The following BPNT2 variants were observed in gnomAD, a reference collection of about 807,000 sequenced individuals.
BPNT2 encodes Golgi-resident adenosine 3',5'-bisphosphate 3'-phosphatase.
In BPNT2, 11 loss-of-function variants were observed where a neutral mutation model predicts 29.3. The ratio of observed to expected loss-of-function variants is 0.38; its 90% CI spans 0.24 to 0.62. BPNT2 has a LOEUF of 0.62. BPNT2 is among the 20% of genes least tolerant of loss of function. The pLI is 0.62. For missense variants in BPNT2, 459 were observed against 473.4 expected, an observed-to-expected ratio of 0.97 and a Z score of 0.28; for synonymous variants, 195 against 187.7, an observed-to-expected ratio of 1.04 and a Z score of -0.32.
chr8:56,990,198 T>C (rs1336247956), intron 1 of BPNT2, among the ~76,000 whole-genome samples: 1 of 152,184 alleles, frequency 6.6e-6, no homozygotes, highest in African/African-American at 2.4e-5. Flanking sequence ...AGTACCATGC[T>C]TTACCTTCAA....
At chr8:56,964,740 A>T (rs2129203342) in intron 4 of BPNT2, among the ~76,000 whole-genome samples, 1 of 152,356 alleles carries the variant, frequency 6.6e-6, no homozygotes, top group African/African-American at 2.4e-5. Context: ...GACATATTAT[A>T]CACACAAGTT....
intron 1 of BPNT2, among the ~76,000 whole-genome samples, chr8:56,988,127 A>T (rs1021075489): frequency 1.3e-5 from 2 of 152,206 alleles, no homozygotes; most frequent in Non-Finnish European, 2.9e-5. Flanking sequence ...ATTGTCTTTC[A>T]AATATAGCTC....
chr8:56,971,953 G>A (rs1392066181), intron 3 of BPNT2, among the ~76,000 whole-genome samples: 1 of 151,800 alleles, frequency 6.6e-6, no homozygotes, highest in Non-Finnish European at 1.5e-5. Flanking sequence ...AAATTAGCCG[G>A]GCGTGGTGTC....
intron 1 of BPNT2, among the ~76,000 whole-genome samples, chr8:56,982,804 CTAAAA>C (rs1806266732): frequency 6.6e-6 from 1 of 151,970 alleles, no homozygotes; most frequent in African/African-American, 2.4e-5. Context: ...TTCATAATGG[CTAAAA>C]TCAGAAAACT....
intron 3 of BPNT2, among the ~76,000 whole-genome samples, chr8:56,977,104 A>G (rs79169239): frequency 0.03 from 4,514 of 152,276 alleles, 223 homozygotes; most frequent in African/African-American, 0.1. Context: ...CTTGGGTCCT[A>G]TCTCCAATAT....
chr8:56,977,768 T>C (rs1585562242), intron 3 of BPNT2, among the ~76,000 whole-genome samples: 2 of 143,320 alleles, frequency 1.4e-5, no homozygotes. Flanking sequence ...TAAACACTTA[T>C]AAGCCAATGA....
chr8:56,985,543 T>C (rs995420707), intron 1 of BPNT2, among the ~76,000 whole-genome samples: 2 of 152,138 alleles, frequency 1.3e-5, no homozygotes, highest in Non-Finnish European at 1.5e-5. Context: ...AGAGAACCTA[T>C]AATTTTAGAA....
intron 1 of BPNT2, among the ~76,000 whole-genome samples, chr8:56,988,502 AAC>A (rs1242192981): frequency 6.6e-6 from 1 of 152,242 alleles, no homozygotes; most frequent in African/African-American, 2.4e-5. Context: ...TACAGTGCTT[AAC>A]ACAGAGTAAG....
In BPNT2 at chr8:56,960,240, T is replaced by C. The variant is rs1805809768; in HGVS notation, c.*3553A>G. ...CTTATGCTCAGCTATCAGAGATGGC[T>C]GTCACCTTCAAAGCCTAAGTGAGAT... On this transcript the variant is annotated 3_prime_UTR_variant, in exon 5 of 5. Coordinates refer to ENST00000262644, the MANE Select transcript of BPNT2 (RefSeq NM_017813.5). 6.6e-6 allele frequency: 1 copy of C among 152,220 alleles called. No individual in the cohort carries two copies. Among genetic ancestry groups the C allele is most frequent in the African/African-American group, 2.4e-5 (1 of 41,458 alleles). 9.4% of individuals were successfully genotyped at this position (152,220 alleles called of 1,614,324 possible). A position where few individuals can be genotyped will look rare whatever the true frequency, so the allele number is the denominator to read the frequency against.
intron 1 of BPNT2, among the ~76,000 whole-genome samples, chr8:56,983,473 A>G (rs1450345182): frequency 6.6e-6 from 1 of 152,118 alleles, no homozygotes; most frequent in East Asian, 1.9e-4. Flanking sequence ...AAGGCTAAGG[A>G]GCTGAGGTCA....
At chr8:56,993,165 G>C in intron 1 of BPNT2, 34 bp downstream of exon 1, 1 of 1,577,444 alleles carries the variant, frequency 6.3e-7, no homozygotes, top group South Asian at 1.1e-5. Flanking sequence ...CGCGCTACCC[G>C]GCTCGAGTGG....
At position 56,993,763 on chromosome 8, in the gene BPNT2, A is replaced by G; in HGVS notation, c.-178T>C. On this transcript the variant is annotated 5_prime_UTR_variant, in exon 1 of 5. Coordinates refer to ENST00000262644, the MANE Select transcript of BPNT2 (RefSeq NM_017813.5). ...CAGGAAAGGCCGAGTTGCGCCGCGA[A>G]GACCACCAACGCCGCCCCGCGCGCC... is the stretch of plus-strand genomic sequence containing the variant. The G allele has an allele frequency of 2.4e-6, 2 of 828,100 alleles. No homozygotes were observed. Among genetic ancestry groups the G allele is most frequent in the Non-Finnish European group, 2.9e-6 (2 of 682,594 alleles). 51.3% of individuals were successfully genotyped at this position (828,100 alleles called of 1,614,324 possible).
rs1283546447 is a variant in BPNT2, at chr8:56,963,094, A to T, written c.*699T>A. The T allele has an allele frequency of 6.6e-6, 1 of 152,270 alleles. No individual in the cohort carries two copies. The highest frequency in any genetic ancestry group is 6.5e-5 in the Admixed American group (1 of 15,284). 9.4% of individuals were successfully genotyped at this position (152,270 alleles called of 1,614,324 possible). ...AATAGCAAGATGGCAGAAATGCTGA[A>T]CTCATGGGTACAAACACACTTTTCT... On this transcript the variant is annotated 3_prime_UTR_variant, in exon 5 of 5. Coordinates refer to ENST00000262644, the MANE Select transcript of BPNT2 (RefSeq NM_017813.5).
At chr8:56,970,234 T>C (rs923758264) in intron 3 of BPNT2, among the ~76,000 whole-genome samples, 3 of 152,202 alleles carry the variant, frequency 2.0e-5, no homozygotes, top group African/African-American at 2.4e-5. Context: ...CTGAGCATCA[T>C]GAATGGCGAG....
At position 56,963,511 on chromosome 8, in the gene BPNT2, C is replaced by G. The variant is rs911382827; in HGVS notation, c.*282G>C. The G allele has an allele frequency of 2.6e-6, 1 of 389,122 alleles. No individual in the cohort carries two copies. The highest frequency in any genetic ancestry group is 2.0e-5 in the African/African-American group (1 of 49,544). The allele number at this position is 389,122 out of a possible 1,614,324, so 24.1% of individuals were successfully genotyped here. On this transcript the variant is annotated 3_prime_UTR_variant, in exon 5 of 5. Coordinates refer to ENST00000262644, the MANE Select transcript of BPNT2 (RefSeq NM_017813.5). ...ATGGTGACTCATAACAATGTAGACT[C>G]AGCTACAGATTTTAATTCACAAATA...
Position 56,961,074 on chromosome 8 carries a change from G to C in BPNT2, c.*2719C>G, listed in dbSNP as rs1261519737. On this transcript the variant is annotated 3_prime_UTR_variant, in exon 5 of 5. Coordinates refer to ENST00000262644, the MANE Select transcript of BPNT2 (RefSeq NM_017813.5). ...AAGGTAGAAGAGATGAAGAAGGGCA[G>C]AGGAGGGGGACAGCTGATGGGTACT... The C allele has an allele frequency of 1.3e-5, 2 of 152,280 alleles. No individual in the cohort carries two copies. Among genetic ancestry groups the C allele is most frequent in the African/African-American group, 4.8e-5 (2 of 41,456 alleles). The allele number at this position is 152,280 out of a possible 1,614,324, so 9.4% of individuals were successfully genotyped here. A position where few individuals can be genotyped will look rare whatever the true frequency, so the allele number is the denominator to read the frequency against.
intron 1 of BPNT2, 137 bp downstream of exon 1, chr8:56,993,062 T>C: frequency 1.3e-6 from 2 of 1,512,212 alleles, no homozygotes; most frequent in South Asian, 1.2e-5. Flanking sequence ...TGTCTGACCT[T>C]GTGCACGTTA....
rs555789866 is a variant in BPNT2 at position 56,982,568 on chromosome 8, A to T, written c.388-2371T>A. 5.9e-5 allele frequency among the ~76,000 whole-genome samples: 9 copies of T among 152,352 alleles called. No homozygotes were observed. The South Asian group carries it at 1.9e-3, about 32-fold the overall frequency. ...AAGATACCACAGTGATCAATGTGAG[A>T]CAAAAATTTCTGCCCTGTGGAACTT... On this transcript the variant is annotated intron_variant, in intron 1 of 4. Coordinates refer to ENST00000262644, the MANE Select transcript of BPNT2 (RefSeq NM_017813.5).
At position 56,961,328 on chromosome 8, in the gene BPNT2, AC is replaced by A. The variant is rs1213353721; in HGVS notation, c.*2464del. 6.6e-6 allele frequency: 1 copy of A among 152,220 alleles called. No homozygotes were observed. Among genetic ancestry groups the A allele is most frequent in the Non-Finnish European group, 1.5e-5 (1 of 68,042 alleles). 9.4% of individuals were successfully genotyped at this position (152,220 alleles called of 1,614,324 possible). On this transcript the variant is annotated 3_prime_UTR_variant, in exon 5 of 5. Transcript: ENST00000262644. ...AGGTGTTTTACTAGGATGCTATGGC[AC>A]AATGTCTTGTGTAAATAAATATAAA...
Sources: gnomAD v4.1 joint callset for allele counts (sites outside exome capture counted in the v4.1 genomes callset) on GRCh38, gnomAD v4.1.1 for gene constraint, MANE v1.5 for transcripts, NCBI Gene and HGNC (gene_info 2026-07-23, HGNC 2026-07-21) for gene names.